Variants in CELF2 observed in about 807,000 individuals in gnomAD.
CELF2 encodes CUGBP Elav-like family member 2.
A neutral mutation model predicts 62.6 loss-of-function variants in CELF2; 8 were observed. The ratio of observed to expected loss-of-function variants is 0.13; its 90% confidence interval spans 0.07 to 0.23. The LOEUF (loss-of-function observed/expected upper bound fraction) is 0.23, where lower values mean the gene tolerates loss of function less well. Ranked by LOEUF, CELF2 falls within the 10% of genes least tolerant of loss-of-function variation. The pLI is 1.00. For missense variants in CELF2, 333 were observed against 671.0 expected (o/e 0.50, Z 5.56); for synonymous variants, 258 against 250.0 (o/e 1.03, Z -0.30).
intron 2 of CELF2, among the ~76,000 whole-genome samples, chr10:11,179,898 G>T (rs2072704347): frequency 1.3e-5 from 2 of 152,118 alleles, no homozygotes; most frequent in African/African-American, 4.8e-5. Context: ...AGCTTACGTG[G>T]TGTCAGGTAA....
At chr10:11,149,101 CCTT>C (rs1300401874) in intron 1 of CELF2, among the ~76,000 whole-genome samples, 5 of 152,220 alleles carry the variant, frequency 3.3e-5, no homozygotes, top group Admixed American at 3.3e-4. Context: ...GTCGGAGTCT[CCTT>C]CTGTCACCCA....
At chr10:11,079,610 G>T (rs1190664320) in intron 1 of CELF2, among the ~76,000 whole-genome samples, 1 of 152,110 alleles carries the variant, frequency 6.6e-6, no homozygotes, top group African/African-American at 2.4e-5. Flanking sequence ...CTATGAAGAG[G>T]TGCCTTCCGC....
chr10:10,994,309 A>G (rs2053726395), intron 2 of CELF2, among the ~76,000 whole-genome samples: 2 of 152,230 alleles, frequency 1.3e-5, no homozygotes, highest in African/African-American at 4.8e-5. Context: ...TCTACCTGTC[A>G]GCTACCTGCC....
the CELF2 span, among the ~76,000 whole-genome samples, chr10:10,742,592 A>G: frequency 1.7e-4 from 4 of 23,358 alleles, no homozygotes; most frequent in African/African-American, 5.2e-4. Flanking sequence ...TTTGTTGCAA[A>G]AAAAAAAAAA....
intron 2 of CELF2, among the ~76,000 whole-genome samples, chr10:11,212,740 T>G (rs1416322128): frequency 4.5e-5 from 6 of 134,184 alleles, no homozygotes; most frequent in African/African-American, 1.2e-4. Flanking sequence ...GTTTTGGGTT[T>G]TTTTTTTTTT....
At chr10:10,683,282 A>G in the CELF2 span, among the ~76,000 whole-genome samples, 1 of 152,218 alleles carries the variant, frequency 6.6e-6, no homozygotes, top group East Asian at 1.9e-4. Context: ...TTTAAATGTC[A>G]TTGCAATTGA....
At chr10:10,562,428 A>C in the CELF2 span, among the ~76,000 whole-genome samples, 5 of 152,338 alleles carry the variant, frequency 3.3e-5, no homozygotes, top group East Asian at 9.6e-4. Flanking sequence ...GTGTTGTATC[A>C]ATCTTCCCAA....
intron 2 of CELF2, among the ~76,000 whole-genome samples, chr10:10,932,509 T>C (rs1323280560): frequency 6.6e-6 from 1 of 152,192 alleles, no homozygotes; most frequent in East Asian, 1.9e-4. Flanking sequence ...CAATGTACCC[T>C]ATAAATATGG....
At chr10:10,758,607 T>C in the CELF2 span, among the ~76,000 whole-genome samples, 1 of 152,216 alleles carries the variant, frequency 6.6e-6, no homozygotes, top group Non-Finnish European at 1.5e-5. Flanking sequence ...GGCTGGATAC[T>C]GAGAGCCTTC....
the CELF2 span, among the ~76,000 whole-genome samples, chr10:10,694,929 T>C: frequency 6.6e-6 from 1 of 151,184 alleles, no homozygotes; most frequent in Non-Finnish European, 1.5e-5. Flanking sequence ...ATGGGTTTCC[T>C]GAATACAGCA....
rs1386838810 is a variant in CELF2, at chr10:11,023,856, A to C, written c.74+5693A>C. The stretch of plus-strand genomic sequence containing the variant: ...GATTGTATGTTCTGTTTAGATACTA[A>C]AAGTGATGTTTTAAAATCAGCTGAT... On this transcript the variant is annotated intron_variant, in intron 1 of 12. Transcript: ENST00000633077. 2.6e-5 allele frequency among the ~76,000 whole-genome samples: 4 copies of C among 152,246 alleles called. No homozygotes were observed. In the East Asian group the frequency reaches 7.7e-4, roughly 29 times the overall value.
chr10:10,596,666 C>G, the CELF2 span, among the ~76,000 whole-genome samples: 515 of 152,362 alleles, frequency 3.4e-3, 3 homozygotes, highest in African/African-American at 0.012. Context: ...TGAGCGCCTG[C>G]AGGGCACCTC....
chr10:10,716,423 C>T, the CELF2 span, among the ~76,000 whole-genome samples: 3 of 152,114 alleles, frequency 2.0e-5, no homozygotes, highest in South Asian at 2.1e-4. Context: ...CGCCTGTAGT[C>T]CCAGCTACTG....
At chr10:11,225,809 G>T (rs1188580993) in intron 3 of CELF2, among the ~76,000 whole-genome samples, 1 of 152,206 alleles carries the variant, frequency 6.6e-6, no homozygotes, top group Non-Finnish European at 1.5e-5. Context: ...ACATGGGTAA[G>T]TGACTCCTCT....
rs76345191 is a variant in CELF2, at chr10:10,936,187, A to G, written c.89+16188A>G. ...ACAAAAAAAATAAATAAAATAATAA[A>G]GAGAGAGAAAAGAAAGAAACAATAA... On this transcript the variant is annotated intron_variant, in intron 2 of 13. Transcript: ENST00000636488. This position sits in a 1 kb window ranked among gnomAD's most constrained non-coding sequence, Gnocchi z 4.0. 2.2e-3 allele frequency among the ~76,000 whole-genome samples: 337 copies of G among 152,246 alleles called. No individual in the cohort carries two copies. The highest frequency in any genetic ancestry group is 7.8e-3 in the African/African-American group (325 of 41,548).
At chr10:10,609,862 G>A in the CELF2 span, among the ~76,000 whole-genome samples, 887 of 152,306 alleles carry the variant, frequency 5.8e-3, 2 homozygotes, top group Non-Finnish European at 8.2e-3. Context: ...TTGCCTCACA[G>A]ATATGCTTGG....
the CELF2 span, among the ~76,000 whole-genome samples, chr10:10,757,609 T>C: frequency 6.2e-3 from 941 of 152,230 alleles, 10 homozygotes; most frequent in African/African-American, 0.022. Context: ...TATGAAAAGA[T>C]ACCAGCCTAA....
At chr10:10,503,413 GTATACACACTTAGGATTGT>G in the CELF2 span, among the ~76,000 whole-genome samples, 6 of 151,860 alleles carry the variant, frequency 4.0e-5, no homozygotes, top group Non-Finnish European at 8.9e-5. Flanking sequence ...TGTGCTTGAT[GTATACACACTTAGGATTGT>G]TATATCTTCT....
At chr10:10,525,273 C>T in the CELF2 span, among the ~76,000 whole-genome samples, 1,486 of 152,294 alleles carry the variant, frequency 9.8e-3, 23 homozygotes, top group African/African-American at 0.034. Flanking sequence ...TAGACCAAGC[C>T]TGTCCAACCC....
Sources: allele counts gnomAD v4.1 joint callset (sites outside exome capture counted in the v4.1 genomes callset), GRCh38; gene constraint gnomAD v4.1.1; non-coding constraint Gnocchi (gnomAD v3.1); transcripts MANE v1.5; gene names NCBI Gene and HGNC (gene_info 2026-07-23, HGNC 2026-07-21).